PRKG1: variants seen among roughly 807,000 people sequenced by gnomAD.
PRKG1 encodes protein kinase cGMP-dependent 1, also known as cGMP-dependent protein kinase 1.
Under a neutral mutation model 88.1 loss-of-function variants are expected in PRKG1, and 35 were observed. The observed-to-expected ratio is 0.40, with a 90% CI of 0.30 to 0.53. PRKG1 has a LOEUF of 0.53. Among genes scored for constraint, PRKG1 ranks in the 20% least tolerant of loss-of-function variants. PRKG1 has a pLI of 0.59. For synonymous variants in PRKG1, 303 were observed against 292.5 expected, an observed-to-expected ratio of 1.04 and a Z score of -0.37; for missense variants, 540 against 839.8, an observed-to-expected ratio of 0.64 and a Z score of 4.41.
intron 4 of PRKG1, among the ~76,000 whole-genome samples, chr10:51,830,753 G>T (rs1839986515): frequency 6.6e-6 from 1 of 151,412 alleles, no homozygotes; most frequent in African/African-American, 2.4e-5. Context: ...GTAGAGACAG[G>T]GTTTCTTCAT....
At chr10:52,036,922 C>T (rs972390953) in intron 5 of PRKG1, among the ~76,000 whole-genome samples, 29 of 149,394 alleles carry the variant, frequency 1.9e-4, no homozygotes, top group Non-Finnish European at 2.1e-4. Context: ...GGGTAGCCTC[C>T]GTATTGATTA....
chr10:51,733,038 A>G (rs1025963643), intron 3 of PRKG1, among the ~76,000 whole-genome samples: 2 of 152,026 alleles, frequency 1.3e-5, no homozygotes, highest in African/African-American at 4.8e-5. Flanking sequence ...AGAGAGAGAG[A>G]GACAAAAAAT....
chr10:51,739,698 C>G (rs531275977), intron 3 of PRKG1, among the ~76,000 whole-genome samples: 6 of 151,966 alleles, frequency 3.9e-5, no homozygotes, highest in Non-Finnish European at 5.9e-5. Flanking sequence ...CTAGGCCAGG[C>G]GTGGTGGCTC....
At chr10:51,606,370 G>A (rs1335857928) in intron 3 of PRKG1, among the ~76,000 whole-genome samples, 1 of 152,196 alleles carries the variant, frequency 6.6e-6, no homozygotes, top group African/African-American at 2.4e-5. Flanking sequence ...TGTTCTGAGA[G>A]TTCTGTTATG....
chr10:51,813,047 T>G (rs1839497081), intron 4 of PRKG1, among the ~76,000 whole-genome samples: 1 of 152,220 alleles, frequency 6.6e-6, no homozygotes, highest in Non-Finnish European at 1.5e-5. Context: ...GTTGTTGATG[T>G]TTCAAGTTGT....
At chr10:51,891,700 T>C (rs34455409) in intron 4 of PRKG1, among the ~76,000 whole-genome samples, 36,158 of 152,104 alleles carry the variant, frequency 0.24, 4,534 homozygotes, top group Admixed American at 0.32. Flanking sequence ...TTGCAGGTCA[T>C]ATGGTCTTTG....
At chr10:51,314,748 T>C (rs1244882911) in intron 2 of PRKG1, among the ~76,000 whole-genome samples, 1 of 152,228 alleles carries the variant, frequency 6.6e-6, no homozygotes, top group African/African-American at 2.4e-5. Flanking sequence ...GTTTCTGAGC[T>C]GCCCATTGGC....
At chr10:51,183,847 T>C (rs777100201) in intron 2 of PRKG1, among the ~76,000 whole-genome samples, 2 of 152,216 alleles carry the variant, frequency 1.3e-5, no homozygotes, top group African/African-American at 2.4e-5. Flanking sequence ...AGTTGTTAGT[T>C]CAGAGATGGG....
chr10:51,270,096 T>C (rs1222330969), intron 2 of PRKG1, among the ~76,000 whole-genome samples: 1 of 152,174 alleles, frequency 6.6e-6, no homozygotes, highest in Non-Finnish European at 1.5e-5. Flanking sequence ...TTTTATTCTG[T>C]CCTTGGCATT....
At chr10:52,063,529 C>T (rs940530841) in intron 7 of PRKG1, among the ~76,000 whole-genome samples, 4 of 152,250 alleles carry the variant, frequency 2.6e-5, no homozygotes. Context: ...TGTTTCAGCC[C>T]TGTTTGTATT....
chr10:51,365,738 G>C (rs1400940085), intron 2 of PRKG1, among the ~76,000 whole-genome samples: 1 of 151,840 alleles, frequency 6.6e-6, no homozygotes, highest in African/African-American at 2.4e-5. Flanking sequence ...AATCAAGTTT[G>C]AGAAACATCA....
At chr10:51,615,741 G>C (rs1002917585) in intron 3 of PRKG1, among the ~76,000 whole-genome samples, 1 of 147,792 alleles carries the variant, frequency 6.8e-6, no homozygotes, top group Non-Finnish European at 1.5e-5. Flanking sequence ...TCTTTGTGTT[G>C]TTTTTCAGTA....
At chr10:51,898,160 T>C (rs1160022380) in intron 4 of PRKG1, among the ~76,000 whole-genome samples, 7 of 152,052 alleles carry the variant, frequency 4.6e-5, no homozygotes, top group Admixed American at 4.6e-4. Context: ...CAGTTATCTA[T>C]CTCCCTCACC....
chr10:52,060,878 A>T (rs1252961361), intron 6 of PRKG1, among the ~76,000 whole-genome samples: 2 of 151,980 alleles, frequency 1.3e-5, no homozygotes, highest in African/African-American at 2.4e-5. Context: ...GCACCATAAA[A>T]ACAAAGTATA....
At chr10:51,410,379 C>T (rs1258127907) in intron 2 of PRKG1, among the ~76,000 whole-genome samples, 1 of 151,606 alleles carries the variant, frequency 6.6e-6, no homozygotes, top group Non-Finnish European at 1.5e-5. Context: ...AGAGCCACTC[C>T]GAGTCCCAAA....
chr10:51,017,306 G>A (rs564884358), intron 1 of PRKG1, among the ~76,000 whole-genome samples: 40 of 151,602 alleles, frequency 2.6e-4, no homozygotes, highest in South Asian at 2.1e-4. Flanking sequence ...CAAATTTTCC[G>A]TTTACAAGCC....
intron 7 of PRKG1, among the ~76,000 whole-genome samples, chr10:52,100,174 CAT>C (rs1847264213): frequency 6.6e-6 from 1 of 152,112 alleles, no homozygotes; most frequent in Non-Finnish European, 1.5e-5. Flanking sequence ...ACAGTGAACT[CAT>C]GTAAAGAGAC....
chr10:51,200,210 T>C (rs1837877686), intron 2 of PRKG1, among the ~76,000 whole-genome samples: 1 of 152,164 alleles, frequency 6.6e-6, no homozygotes, highest in South Asian at 2.1e-4. Flanking sequence ...TAGCTAGTTC[T>C]GGGAATAGTT....
At chr10:52,020,108 T>G (rs1413560553) in intron 5 of PRKG1, among the ~76,000 whole-genome samples, 1 of 151,870 alleles carries the variant, frequency 6.6e-6, no homozygotes, top group Non-Finnish European at 1.5e-5. Context: ...TAATCTTCTG[T>G]AAAATTAAGA....
Sources: allele counts gnomAD v4.1 joint callset (sites outside exome capture counted in the v4.1 genomes callset), GRCh38; gene constraint gnomAD v4.1.1; transcripts MANE v1.5; gene names NCBI Gene and HGNC (gene_info 2026-07-23, HGNC 2026-07-21).